The following PTPRO variants were observed in gnomAD, a reference collection of about 807,000 sequenced individuals.
The protein encoded by PTPRO is protein tyrosine phosphatase receptor type O.
Under a neutral mutation model 145.2 loss-of-function variants are expected in PTPRO, and 62 were observed. The ratio of observed to expected loss-of-function variants is 0.43; its 90% CI spans 0.35 to 0.53. The LOEUF (loss-of-function observed/expected upper bound fraction) is 0.53. Ranked by LOEUF, PTPRO falls within the 20% of genes least tolerant of loss-of-function variation. The pLI, the probability that PTPRO is intolerant of heterozygous loss-of-function variation, is 0.01. For synonymous variants in PTPRO, 565 were observed against 514.7 expected (o/e 1.10, Z -1.32); for missense variants, 1,345 against 1,482.7 (o/e 0.91, Z 1.53).
chr12:15,396,816 A>G (rs1565606035), intron 1 of PTPRO, among the ~76,000 whole-genome samples: 1 of 152,198 alleles, frequency 6.6e-6, no homozygotes, highest in South Asian at 2.1e-4. Flanking sequence ...GAGCATTTAC[A>G]ATAAAAATGG....
intron 7 of PTPRO, 73 bp downstream of exon 7, chr12:15,508,840 GC>G: frequency 6.8e-7 from 1 of 1,480,726 alleles, no homozygotes; most frequent in Non-Finnish European, 9.3e-7. Flanking sequence ...TGCCAAGGAG[GC>G]AATTGTAGGA....
chr12:15,506,276 C>T (rs1228962793), intron 6 of PTPRO, among the ~76,000 whole-genome samples: 1 of 152,160 alleles, frequency 6.6e-6, no homozygotes, highest in Non-Finnish European at 1.5e-5. Flanking sequence ...CAACAACAAC[C>T]TTATGAGGTA....
intron 12 of PTPRO, among the ~76,000 whole-genome samples, chr12:15,543,643 AT>A (rs1158709427): frequency 1.3e-5 from 2 of 152,332 alleles, no homozygotes; most frequent in African/African-American, 4.8e-5. Context: ...AGACAAAGTC[AT>A]TTATAACACA....
chr12:15,447,269 A>G (rs1940925777), intron 1 of PTPRO, among the ~76,000 whole-genome samples: 1 of 152,130 alleles, frequency 6.6e-6, no homozygotes, highest in Admixed American at 6.6e-5. Context: ...TATAAATGAC[A>G]TGAAAGAAAG....
chr12:15,512,061 T>A (rs1177684267), intron 7 of PTPRO, among the ~76,000 whole-genome samples: 1 of 152,120 alleles, frequency 6.6e-6, no homozygotes, highest in Non-Finnish European at 1.5e-5. Flanking sequence ...ACACTTATAG[T>A]CAGATGTCTA....
chr12:15,335,188 C>T (rs1010162660), intron 1 of PTPRO, among the ~76,000 whole-genome samples: 15 of 152,168 alleles, frequency 9.9e-5, no homozygotes, highest in African/African-American at 3.6e-4. Context: ...TTGACACCAT[C>T]ACCTTAAGAA....
chr12:15,330,801 T>C (rs1410435902), intron 1 of PTPRO, among the ~76,000 whole-genome samples: 2 of 152,212 alleles, frequency 1.3e-5, no homozygotes, highest in Non-Finnish European at 1.5e-5. Flanking sequence ...GTTTTCTCCA[T>C]GCTTAATACA....
At chr12:15,465,583 G>A (rs1591835891) in intron 1 of PTPRO, among the ~76,000 whole-genome samples, 1 of 152,326 alleles carries the variant, frequency 6.6e-6, no homozygotes, top group East Asian at 1.9e-4. Context: ...AAGGTTGTGA[G>A]TTTACAGGAA....
intron 1 of PTPRO, among the ~76,000 whole-genome samples, chr12:15,383,123 C>T (rs903636175): frequency 6.6e-6 from 1 of 152,206 alleles, no homozygotes; most frequent in Non-Finnish European, 1.5e-5. Context: ...TCCTTGTCCA[C>T]TCCAACCATA....
At position 15,546,630 on chromosome 12, in the gene PTPRO, G is replaced by A. The variant is rs137956150; in HGVS notation, c.2226G>A (p.Leu742=). The A allele has an allele frequency of 5.2e-4, 841 of 1,613,746 alleles. 9 individuals carry two copies. Among genetic ancestry groups the A allele is most frequent in the Non-Finnish European group, 1.8e-4 (216 of 1,179,832 alleles). Residue 742 remains leucine, a synonymous_variant, in exon 13 of 27, where the codon CTG becomes CTA. Transcript: ENST00000281171. ...AAACCCAGACTTCAGTGACTTTGCT[G>A]TGGGTGGAAGAGGGAGTAGCTGATT... The part of the protein sequence containing the change: ...VNKTQTSVTL[L]WVEEGVADFF...
chr12:15,566,363 G>A (rs1943898199), intron 18 of PTPRO, among the ~76,000 whole-genome samples: 1 of 152,124 alleles, frequency 6.6e-6, no homozygotes, highest in African/African-American at 2.4e-5. Context: ...CTATGCTTAT[G>A]GAAAGAAATC....
At chr12:15,366,978 A>G (rs1274082182) in intron 1 of PTPRO, among the ~76,000 whole-genome samples, 1 of 152,226 alleles carries the variant, frequency 6.6e-6, no homozygotes, top group Non-Finnish European at 1.5e-5. Flanking sequence ...TAGTAACAAA[A>G]TTTAATGAAG....
Position 15,549,243 on chromosome 12 carries a change from G to C in PTPRO, c.2437+17G>C. 6.4e-7 allele frequency: 1 copy of C among 1,556,542 alleles called. No homozygotes were observed. Among genetic ancestry groups the C allele is most frequent in the Non-Finnish European group, 8.7e-7 (1 of 1,155,536 alleles). ...CAACAATGGGTAATTATACACATTA[G>C]TGTATAATTTTCTCACTTTTTTTGA... is the stretch of plus-strand genomic sequence containing the variant. On this transcript the variant is annotated intron_variant, in intron 14 of 26. Coordinates refer to ENST00000281171, the MANE Select transcript of PTPRO (RefSeq NM_030667.3).
chr12:15,580,094 C>T lies in PTPRO; in HGVS notation c.2976C>T (p.Tyr992=), dbSNP rs769224134. The change falls in exon 21 of 27, where the codon TAC becomes TAT. Residue 992 remains tyrosine (Y), a synonymous_variant. Coordinates refer to ENST00000281171, the MANE Select transcript of PTPRO (RefSeq NM_030667.3). ...TGAATGAAGAGGAAGGTGCAGACTA[C>T]ATCAATGCCAACTATATTCCTGTAA... ...VSMNEEEGAD[Y]INANYIPGYN... is the part of the protein sequence containing the mutation. 29 of 1,612,260 alleles carry T rather than the reference C, an allele frequency of 1.8e-5. No individual in the cohort carries two copies. Among genetic ancestry groups the T allele is most frequent in the Non-Finnish European group, 2.1e-5 (25 of 1,179,400 alleles).
At chr12:15,372,345 C>G (rs1380234109) in intron 1 of PTPRO, among the ~76,000 whole-genome samples, 1 of 152,062 alleles carries the variant, frequency 6.6e-6, no homozygotes, top group African/African-American at 2.4e-5. Flanking sequence ...TAGCAGGAAC[C>G]ACTTATATGG....
At chr12:15,509,834 C>T (rs1942402083) in intron 7 of PTPRO, among the ~76,000 whole-genome samples, 1 of 152,060 alleles carries the variant, frequency 6.6e-6, no homozygotes, top group Admixed American at 6.6e-5. Flanking sequence ...ACTCAGTAGT[C>T]TTGTGAGTGG....
At chr12:15,486,795 A>G (rs1223638696) in intron 2 of PTPRO, among the ~76,000 whole-genome samples, 1 of 151,602 alleles carries the variant, frequency 6.6e-6, no homozygotes, top group Non-Finnish European at 1.5e-5. Context: ...CAATTTAAAT[A>G]GTGCAGGTTT....
At chr12:15,571,589 C>T (rs942193855) in intron 19 of PTPRO, among the ~76,000 whole-genome samples, 1 of 152,206 alleles carries the variant, frequency 6.6e-6, no homozygotes, top group African/African-American at 2.4e-5. Flanking sequence ...CCCAGCCCAA[C>T]CTCTTTTTCA....
chr12:15,484,287 G>A, intron 2 of PTPRO, 40 bp downstream of exon 2: 2 of 1,609,730 alleles, frequency 1.2e-6, no homozygotes, highest in Non-Finnish European at 8.5e-7. Flanking sequence ...TCTTCTTATT[G>A]TTCCCCTGTT....
Sources: gnomAD v4.1 joint callset for allele counts (sites outside exome capture counted in the v4.1 genomes callset) on GRCh38, gnomAD v4.1.1 for gene constraint, MANE v1.5 for transcripts, NCBI Gene and HGNC (gene_info 2026-07-23, HGNC 2026-07-21) for gene names.